MTSS1: variants seen among roughly 807,000 people sequenced by gnomAD.
MTSS1 encodes protein MTSS 1.
Under a neutral mutation model 79.0 loss-of-function variants are expected in MTSS1, and 18 were observed. That is an observed-to-expected ratio of 0.23 (90% CI 0.16 to 0.34). The LOEUF is 0.34. Ranked by LOEUF, MTSS1 falls within the 10% of genes least tolerant of loss-of-function variation. MTSS1 has a pLI of 1.00. For synonymous variants in MTSS1, 341 were observed against 368.6 expected, an observed-to-expected ratio of 0.93 and a Z score of 0.86; for missense variants, 815 against 986.2, an observed-to-expected ratio of 0.83 and a Z score of 2.33.
chr8:124,675,352 T>C (rs1307393404), intron 3 of MTSS1, among the ~76,000 whole-genome samples: 1 of 152,162 alleles, frequency 6.6e-6, no homozygotes, highest in Non-Finnish European at 1.5e-5. Flanking sequence ...TCTGTTCGGG[T>C]CCCCTATGTG....
chr8:124,701,074 A>C (rs2135428237), intron 2 of MTSS1, among the ~76,000 whole-genome samples: 1 of 152,134 alleles, frequency 6.6e-6, no homozygotes, highest in African/African-American at 2.4e-5. Context: ...ACACACAAAA[A>C]AATTGTTTTT....
intron 3 of MTSS1, among the ~76,000 whole-genome samples, chr8:124,686,171 G>A (rs905747091): frequency 2.0e-5 from 3 of 152,146 alleles, no homozygotes; most frequent in Admixed American, 2.0e-4. Context: ...CCCACCCAGG[G>A]CCACACAGCT....
rs192570857 is a variant in MTSS1 at position 124,555,035 on chromosome 8, G to C, written c.1567+707C>G. 1.3e-4 allele frequency among the ~76,000 whole-genome samples: 20 copies of C among 152,246 alleles called. No individual in the cohort carries two copies. In the East Asian group the frequency reaches 3.5e-3, roughly 27 times the overall value. On this transcript the variant is annotated intron_variant, in intron 13 of 13. Transcript: ENST00000518547. ...ATTTTTGTATTTTCTGTAGAGACAA[G>C]AGTTTTGCCATGTTTCCCAGACTGG... is the stretch of plus-strand genomic sequence containing the variant.
chr8:124,567,402 G>T (rs778986365), intron 7 of MTSS1, among the ~76,000 whole-genome samples: 7 of 152,224 alleles, frequency 4.6e-5, no homozygotes, highest in Non-Finnish European at 1.0e-4. Context: ...GTGCACAGGG[G>T]ACAGTGGGGA....
chr8:124,709,326 TG>T (rs1830823212), intron 1 of MTSS1, among the ~76,000 whole-genome samples: 1 of 151,976 alleles, frequency 6.6e-6, no homozygotes, highest in Non-Finnish European at 1.5e-5. Flanking sequence ...GGTTGCTGGC[TG>T]AGCTCTGTCC....
At chr8:124,559,896 G>C (rs769394252) in intron 10 of MTSS1, among the ~76,000 whole-genome samples, 1 of 152,214 alleles carries the variant, frequency 6.6e-6, no homozygotes, top group Non-Finnish European at 1.5e-5. Flanking sequence ...TAATTTATCT[G>C]AAAGTGTTCC....
chr8:124,601,293 C>T (rs1433034294), intron 3 of MTSS1, among the ~76,000 whole-genome samples: 1 of 152,126 alleles, frequency 6.6e-6, no homozygotes, highest in African/African-American at 2.4e-5. Context: ...AACTCCTGAC[C>T]TCTGGTGATC....
At chr8:124,716,599 C>A (rs1333901607) in intron 1 of MTSS1, among the ~76,000 whole-genome samples, 1 of 152,168 alleles carries the variant, frequency 6.6e-6, no homozygotes, top group Non-Finnish European at 1.5e-5. Context: ...AGCCCCACCC[C>A]CAGATCAACA....
At chr8:124,636,952 C>G (rs1038880947) in intron 3 of MTSS1, among the ~76,000 whole-genome samples, 5 of 152,322 alleles carry the variant, frequency 3.3e-5, no homozygotes, top group Non-Finnish European at 7.3e-5. Flanking sequence ...AAGTGTCCAG[C>G]TCTGAACTAA....
At chr8:124,654,987 G>T (rs1435070725) in intron 3 of MTSS1, among the ~76,000 whole-genome samples, 1 of 152,186 alleles carries the variant, frequency 6.6e-6, no homozygotes, top group African/African-American at 2.4e-5. Context: ...TAATAATATT[G>T]CTTTAATATC....
chr8:124,571,100 T>C (rs2132167187), intron 6 of MTSS1, among the ~76,000 whole-genome samples: 1 of 152,330 alleles, frequency 6.6e-6, no homozygotes, highest in South Asian at 2.1e-4. Flanking sequence ...ATCATCACCA[T>C]ACATTAATCT....
intron 3 of MTSS1, among the ~76,000 whole-genome samples, chr8:124,647,372 T>A (rs1317837098): frequency 1.3e-5 from 2 of 152,244 alleles, no homozygotes; most frequent in African/African-American, 4.8e-5. Context: ...AAATTAAAAT[T>A]GTTATGTGTT....
chr8:124,698,709 G>A (rs937479781), intron 3 of MTSS1, among the ~76,000 whole-genome samples: 13 of 151,714 alleles, frequency 8.6e-5, no homozygotes, highest in Non-Finnish European at 1.9e-4. Flanking sequence ...ATGGGGTTTC[G>A]CCATGTTGGC....
In MTSS1 at chr8:124,656,542, C is replaced by T. The variant is rs549742708; in HGVS notation, c.208+42984G>A. On this transcript the variant is annotated intron_variant, in intron 3 of 13. Transcript: ENST00000518547. ...ATCCCAGCACTTTGGGAAGCTATGA[C>T]AGGCAGATCACTTGAGGTCAGGAGT... Among the ~76,000 whole-genome samples the T allele has an allele frequency of 1.1e-3, 172 of 150,394 alleles. 1 individual carries two copies. The highest frequency in any genetic ancestry group is 2.5e-4 in the Non-Finnish European group (17 of 67,764).
intron 6 of MTSS1, among the ~76,000 whole-genome samples, chr8:124,572,364 T>C (rs1359570477): frequency 7.4e-6 from 1 of 134,360 alleles, no homozygotes; most frequent in Non-Finnish European, 1.6e-5. Context: ...CATGTAATTA[T>C]ATTTATAAAA....
intron 3 of MTSS1, among the ~76,000 whole-genome samples, chr8:124,692,907 C>T (rs1304047796): frequency 6.6e-6 from 1 of 152,066 alleles, no homozygotes; most frequent in East Asian, 1.9e-4. Context: ...GTGAGTTCCT[C>T]AGGAAGGAGC....
At chr8:124,724,930 C>T (rs1271626763) in intron 1 of MTSS1, among the ~76,000 whole-genome samples, 1 of 152,188 alleles carries the variant, frequency 6.6e-6, no homozygotes, top group Admixed American at 6.5e-5. Context: ...AATATCTTGT[C>T]TCCCCTTTCC....
chr8:124,705,822 G>A (rs1830303967), intron 1 of MTSS1, among the ~76,000 whole-genome samples: 1 of 152,120 alleles, frequency 6.6e-6, no homozygotes, highest in African/African-American at 2.4e-5. Flanking sequence ...TTTGTCGTGG[G>A]GGGCTGTCCT....
chr8:124,638,984 A>G (rs562741490), intron 3 of MTSS1, among the ~76,000 whole-genome samples: 1 of 152,234 alleles, frequency 6.6e-6, no homozygotes, highest in African/African-American at 2.4e-5. Flanking sequence ...ACATTGTCAC[A>G]ACAAAAAAGT....
Sources: gnomAD v4.1 joint callset for allele counts (sites outside exome capture counted in the v4.1 genomes callset) on GRCh38, gnomAD v4.1.1 for gene constraint, MANE v1.5 for transcripts, NCBI Gene and HGNC (gene_info 2026-07-23, HGNC 2026-07-21) for gene names.